The following GUCY1B1 variants were observed in gnomAD, a reference collection of about 807,000 sequenced individuals.
GUCY1B1 encodes guanylate cyclase 1 soluble subunit beta 1, also known as guanylate cyclase soluble subunit beta-1.
GUCY1B1 carries 43 observed loss-of-function variants against 71.0 expected under a neutral mutation model. The ratio of observed to expected loss-of-function variants is 0.61; its 90% CI spans 0.47 to 0.78. The LOEUF (loss-of-function observed/expected upper bound fraction) is 0.78. GUCY1B1 is among the 30% of genes least tolerant of loss of function. The pLI is 0.00. For synonymous variants in GUCY1B1, 266 were observed against 259.7 expected (o/e 1.02, Z -0.23); for missense variants, 535 against 754.1 (o/e 0.71, Z 3.40).
intron 4 of GUCY1B1, among the ~76,000 whole-genome samples, chr4:155,781,928 C>T (rs1425039496): frequency 6.6e-6 from 1 of 151,844 alleles, no homozygotes; most frequent in Non-Finnish European, 1.5e-5. Flanking sequence ...ATATATTTTA[C>T]CTGGGTATAT....
At position 155,798,962 on chromosome 4, in the gene GUCY1B1, C is replaced by T. The variant is rs560644188; in HGVS notation, c.978-915C>T. Among the ~76,000 whole-genome samples, 647 of 152,182 alleles carry T rather than the reference C, an allele frequency of 4.3e-3. 3 individuals carry two copies. Among genetic ancestry groups the T allele is most frequent in the African/African-American group, 0.015 (617 of 41,514 alleles). The stretch of plus-strand genomic sequence containing the variant: ...AAGCAATTCTCCTGCCTCAGCCTCC[C>T]GAGTAGCTGGGACTACAGGCGCTAG... On this transcript the variant is annotated intron_variant, in intron 8 of 13. Transcript: ENST00000264424.
In GUCY1B1 at chr4:155,804,747, G is replaced by A. The variant is rs1740202309; in HGVS notation, c.1709G>A (p.Arg570Lys). Residue 570 changes from arginine to lysine, a missense_variant and splice_region_variant, in exon 12 of 14, where the codon AGA becomes AAA. Physicochemically the swap from Arg to Lys is conservative, Grantham distance 26. Coordinates refer to ENST00000264424, the MANE Select transcript of GUCY1B1 (RefSeq NM_000857.5). ...ATAAATGTGTCTGAATATACATACA[G>A]GTGAGAGAAAATGTCTTGGTATTTA... ...GKINVSEYTY[R>K]CLMSPENSDP... 2 of 1,610,282 alleles carry A rather than the reference G, an allele frequency of 1.2e-6. No homozygotes were observed. The highest frequency in any genetic ancestry group is 1.7e-6 in the Non-Finnish European group (2 of 1,177,458).
chr4:155,804,958 A>G, intron 12 of GUCY1B1, 145 bp from the exon 13 acceptor site: 1 of 777,226 alleles, frequency 1.3e-6, no homozygotes, highest in East Asian at 2.6e-5. Context: ...TCCTGATATG[A>G]TCATTGTTTC....
intron 8 of GUCY1B1, among the ~76,000 whole-genome samples, chr4:155,797,210 T>C (rs1739615066): frequency 6.6e-6 from 1 of 152,202 alleles, no homozygotes; most frequent in Admixed American, 6.5e-5. Flanking sequence ...TGATATTCTG[T>C]GTATTCATAA....
chr4:155,785,283 T>G (rs17033528), intron 4 of GUCY1B1: 15,546 of 1,450,796 alleles, frequency 0.011, 146 homozygotes, highest in Middle Eastern at 0.031. Flanking sequence ...TCAAAGCATA[T>G]TTCAGATTTA....
intron 2 of GUCY1B1, among the ~76,000 whole-genome samples, chr4:155,764,568 T>G (rs1737206104): frequency 6.6e-6 from 1 of 152,212 alleles, no homozygotes; most frequent in Non-Finnish European, 1.5e-5. Flanking sequence ...AAACCACATT[T>G]ATTTTCTTAC....
intron 2 of GUCY1B1, among the ~76,000 whole-genome samples, chr4:155,765,344 A>ATC (rs1294173163): frequency 1.3e-5 from 2 of 152,208 alleles, no homozygotes; most frequent in Non-Finnish European, 2.9e-5. Context: ...CTATAAAGAA[A>ATC]TCTAACTGGC....
At chr4:155,799,815 C>A (rs574705700) in intron 8 of GUCY1B1, 62 bp from the exon 9 acceptor site, 2 of 863,802 alleles carry the variant, frequency 2.3e-6, no homozygotes, top group South Asian at 1.8e-5. Context: ...TGACAGAAAT[C>A]GGGATTGCAT....
At chr4:155,774,071 A>G (rs1425688020) in intron 2 of GUCY1B1, among the ~76,000 whole-genome samples, 2 of 152,064 alleles carry the variant, frequency 1.3e-5, no homozygotes, top group Non-Finnish European at 2.9e-5. Flanking sequence ...TCTATTTTCA[A>G]TGCAGTAGCC....
chr4:155,790,677 A>G (rs967100169), intron 5 of GUCY1B1, among the ~76,000 whole-genome samples: 6 of 152,234 alleles, frequency 3.9e-5, no homozygotes, highest in Non-Finnish European at 5.9e-5. Context: ...TTCTTTGTTT[A>G]TAGAAAACCT....
intron 2 of GUCY1B1, among the ~76,000 whole-genome samples, chr4:155,774,162 ATGGCAG>A (rs938901464): frequency 6.6e-6 from 1 of 152,102 alleles, no homozygotes; most frequent in African/African-American, 2.4e-5. Flanking sequence ...TTTCAAGTAA[ATGGCAG>A]TTATCCCAAC....
intron 2 of GUCY1B1, among the ~76,000 whole-genome samples, chr4:155,764,667 T>C (rs1272532757): frequency 1.3e-5 from 2 of 152,240 alleles, no homozygotes; most frequent in Non-Finnish European, 2.9e-5. Flanking sequence ...AGGATCCTTT[T>C]CTGTAGAAAG....
chr4:155,759,037 G>A lies in GUCY1B1; in HGVS notation c.-104G>A. The stretch of plus-strand genomic sequence containing the variant: ...GCTGTTCTCGCTCCAGCTCGATGCT[G>A]CCTCCCCGGCCCGGTTGCGCTGTAG... On this transcript the variant is annotated 5_prime_UTR_variant, in exon 1 of 14. Coordinates refer to ENST00000264424, the MANE Select transcript of GUCY1B1 (RefSeq NM_000857.5). The A allele has an allele frequency of 1.6e-6, 2 of 1,250,296 alleles. No individual in the cohort carries two copies. Among genetic ancestry groups the A allele is most frequent in the Non-Finnish European group, 2.3e-6 (2 of 879,872 alleles). 77.5% of individuals were successfully genotyped at this position (1,250,296 alleles called of 1,614,324 possible). A position where few individuals can be genotyped will look rare whatever the true frequency, so the allele number is the denominator to read the frequency against.
chr4:155,781,992 T>A lies in GUCY1B1; in HGVS notation c.297+4350T>A, dbSNP rs186569065. On this transcript the variant is annotated intron_variant, in intron 4 of 13. Coordinates refer to ENST00000264424, the MANE Select transcript of GUCY1B1 (RefSeq NM_000857.5). ...AAGAATTTTGTCTAGTTTTTCCACTTTTTTATTCATAAATTGACAATAAAA... is the reference window on the plus strand; with the variant it reads ...AAGAATTTTGTCTAGTTTTTCCACTATTTTATTCATAAATTGACAATAAAA... 7.6e-4 allele frequency among the ~76,000 whole-genome samples: 116 copies of A among 152,276 alleles called. 2 individuals carry two copies. The East Asian group carries it at 0.017, about 22-fold the overall frequency.
Position 155,771,775 on chromosome 4 carries a change from A to C in GUCY1B1, c.78-3193A>C, listed in dbSNP as rs1206850356. Reference sequence around the variant, plus strand: ...TCATAACATTTTTTATACTTGTGGAAAAAATAAAAACATCTAACTACCTAC... The same window carrying C: ...TCATAACATTTTTTATACTTGTGGACAAAATAAAAACATCTAACTACCTAC... On this transcript the variant is annotated intron_variant, in intron 2 of 13. Transcript: ENST00000264424. 3.3e-5 allele frequency among the ~76,000 whole-genome samples: 5 copies of C among 152,180 alleles called. No homozygotes were observed. In the East Asian group the frequency reaches 9.6e-4, roughly 29 times the overall value.
intron 8 of GUCY1B1, among the ~76,000 whole-genome samples, chr4:155,796,846 G>A (rs1739590832): frequency 6.6e-6 from 1 of 152,052 alleles, no homozygotes; most frequent in African/African-American, 2.4e-5. Context: ...ATTTTTTAAA[G>A]CAGCTAATAG....
chr4:155,785,071 C>G (rs1044368284), intron 4 of GUCY1B1, among the ~76,000 whole-genome samples: 1 of 152,038 alleles, frequency 6.6e-6, no homozygotes, highest in Non-Finnish European at 1.5e-5. Flanking sequence ...ATAAAATAAA[C>G]TAGACTGACA....
chr4:155,795,615 T>C (rs1008989360), intron 7 of GUCY1B1, among the ~76,000 whole-genome samples, 158 bp downstream of exon 7: 3 of 152,166 alleles, frequency 2.0e-5, no homozygotes, highest in Non-Finnish European at 4.4e-5. Flanking sequence ...TGATTTTTGG[T>C]TTGCCTGAGG....
intron 9 of GUCY1B1, among the ~76,000 whole-genome samples, chr4:155,800,364 T>C (rs74503211): frequency 7.1e-4 from 108 of 152,304 alleles, no homozygotes; most frequent in African/African-American, 2.3e-3. Flanking sequence ...AGTTCAAAAA[T>C]TGAAGTTTAA....
Sources: allele counts gnomAD v4.1 joint callset (sites outside exome capture counted in the v4.1 genomes callset), GRCh38; gene constraint gnomAD v4.1.1; transcripts MANE v1.5; gene names NCBI Gene and HGNC (gene_info 2026-07-23, HGNC 2026-07-21).